Variants in VAV3 observed in about 807,000 individuals in gnomAD.
The protein encoded by VAV3 is vav guanine nucleotide exchange factor 3, also known as guanine nucleotide exchange factor VAV3.
VAV3 carries 94 observed loss-of-function variants against 131.2 expected under a neutral mutation model. The observed-to-expected ratio is 0.72, with a 90% CI of 0.61 to 0.85. VAV3 has a LOEUF of 0.85. Among genes scored for constraint, VAV3 ranks in the 40% least tolerant of loss-of-function variants. VAV3 has a pLI of 0.00. For missense variants in VAV3, 939 were observed against 1,002.7 expected (o/e 0.94, Z 0.86); for synonymous variants, 349 against 342.0 (o/e 1.02, Z -0.22).
In VAV3 at chr1:107,792,935, G is replaced by C. The variant is rs796469801; in HGVS notation, c.322-13443C>G. Among the ~76,000 whole-genome samples the C allele has an allele frequency of 2.6e-4, 39 of 152,026 alleles. 1 individual carries two copies. The highest frequency in any genetic ancestry group is 8.7e-4 in the African/African-American group (36 of 41,462). ...TATAATAATATACAGGACATTACAGGACTGTAATGATATTCTGGTTTAAAA... is the reference window on the plus strand; with the variant it reads ...TATAATAATATACAGGACATTACAGCACTGTAATGATATTCTGGTTTAAAA... On this transcript the variant is annotated intron_variant, in intron 2 of 26. Transcript: ENST00000370056.
At chr1:107,748,477 T>G (rs966210828) in intron 15 of VAV3, among the ~76,000 whole-genome samples, 16 of 152,192 alleles carry the variant, frequency 1.1e-4, no homozygotes, top group African/African-American at 3.6e-4. Flanking sequence ...AAGCATTCCT[T>G]AAATACACGA....
intron 1 of VAV3, among the ~76,000 whole-genome samples, chr1:107,882,977 T>C (rs1333951978): frequency 1.3e-5 from 2 of 152,176 alleles, no homozygotes; most frequent in Admixed American, 6.5e-5. Flanking sequence ...AGCTGTAATC[T>C]TGTCATCAGT....
At chr1:107,818,953 A>C (rs769859775) in intron 2 of VAV3, among the ~76,000 whole-genome samples, 4 of 152,218 alleles carry the variant, frequency 2.6e-5, no homozygotes, top group Non-Finnish European at 5.9e-5. Flanking sequence ...GTTTTATTCA[A>C]TTCAGTTTTA....
chr1:107,605,437 A>G (rs564540411), intron 22 of VAV3, among the ~76,000 whole-genome samples: 26 of 152,278 alleles, frequency 1.7e-4, no homozygotes, highest in African/African-American at 6.0e-4. Context: ...ATCTCCTGCC[A>G]TGTTATTATG....
At chr1:107,784,243 T>C (rs538499406) in intron 2 of VAV3, among the ~76,000 whole-genome samples, 4 of 152,282 alleles carry the variant, frequency 2.6e-5, no homozygotes, top group African/African-American at 7.2e-5. Context: ...TATTAAGTAA[T>C]GTATTCCTAT....
intron 1 of VAV3, among the ~76,000 whole-genome samples, chr1:107,960,718 A>T (rs1415063122): frequency 6.6e-6 from 1 of 151,984 alleles, no homozygotes; most frequent in Non-Finnish European, 1.5e-5. Flanking sequence ...GGAGCTTTGC[A>T]CTTGGTATTC....
intron 6 of VAV3, among the ~76,000 whole-genome samples, chr1:107,770,291 A>T (rs1664968688): frequency 6.7e-6 from 1 of 148,504 alleles, no homozygotes; most frequent in African/African-American, 2.5e-5. Context: ...CTCCCCCCCC[A>T]TCACTCTCTA....
At chr1:107,884,333 T>C (rs1670922602) in intron 1 of VAV3, among the ~76,000 whole-genome samples, 1 of 151,292 alleles carries the variant, frequency 6.6e-6, no homozygotes, top group African/African-American at 2.4e-5. Flanking sequence ...ACTACATGCC[T>C]GTACCAAAAT....
At chr1:107,645,630 G>A (rs865832244) in intron 19 of VAV3, among the ~76,000 whole-genome samples, 1 of 151,986 alleles carries the variant, frequency 6.6e-6, no homozygotes, top group Non-Finnish European at 1.5e-5. Context: ...ACATTAACTG[G>A]AAGACAAAAA....
intron 2 of VAV3, among the ~76,000 whole-genome samples, chr1:107,801,988 C>T (rs1460110242): frequency 1.3e-5 from 2 of 151,906 alleles, no homozygotes; most frequent in East Asian, 3.9e-4. Context: ...GGTACATGTG[C>T]AGAACATGGA....
intron 15 of VAV3, among the ~76,000 whole-genome samples, chr1:107,745,533 G>A (rs1410706911): frequency 1.3e-5 from 2 of 152,156 alleles, no homozygotes; most frequent in East Asian, 3.9e-4. Context: ...GGCCAAAGAA[G>A]GTCAGAGAAC....
chr1:107,682,975 T>C (rs189154702), intron 19 of VAV3, among the ~76,000 whole-genome samples: 1 of 152,110 alleles, frequency 6.6e-6, no homozygotes, highest in Non-Finnish European at 1.5e-5. Flanking sequence ...AACTGAACGT[T>C]TTCTGCAGAC....
At chr1:107,638,728 T>C (rs961996378) in intron 20 of VAV3, among the ~76,000 whole-genome samples, 1 of 151,890 alleles carries the variant, frequency 6.6e-6, no homozygotes, top group African/African-American at 2.4e-5. Flanking sequence ...AAAACACCTA[T>C]GAAAAAAGGA....
At chr1:107,815,602 T>G (rs1450773528) in intron 2 of VAV3, among the ~76,000 whole-genome samples, 1 of 152,180 alleles carries the variant, frequency 6.6e-6, no homozygotes, top group Non-Finnish European at 1.5e-5. Context: ...CAAATAAGAA[T>G]CCTTATTGAT....
At chr1:107,895,774 C>A (rs116520493) in intron 1 of VAV3, among the ~76,000 whole-genome samples, 114 of 152,216 alleles carry the variant, frequency 7.5e-4, no homozygotes, top group Middle Eastern at 3.4e-3. Context: ...TGTCCTTGCT[C>A]AAAAATGAAT....
chr1:107,601,849 C>T (rs917416476), intron 24 of VAV3, among the ~76,000 whole-genome samples: 5 of 152,014 alleles, frequency 3.3e-5, no homozygotes, highest in Non-Finnish European at 7.4e-5. Context: ...TTTAAATATA[C>T]AATTCCTATG....
chr1:107,938,252 G>A (rs566539450), intron 1 of VAV3, among the ~76,000 whole-genome samples: 1 of 152,268 alleles, frequency 6.6e-6, no homozygotes, highest in Non-Finnish European at 1.5e-5. Flanking sequence ...TTCGAGAAAT[G>A]TCCCCACCTT....
At chr1:107,888,351 A>C (rs951240087) in intron 1 of VAV3, among the ~76,000 whole-genome samples, 1 of 152,218 alleles carries the variant, frequency 6.6e-6, no homozygotes, top group Admixed American at 6.5e-5. Flanking sequence ...GTAGCGCTAG[A>C]CTAGGCAACC....
intron 1 of VAV3, among the ~76,000 whole-genome samples, chr1:107,932,106 G>T (rs1028939574): frequency 6.6e-6 from 1 of 152,146 alleles, no homozygotes; most frequent in African/African-American, 2.4e-5. Flanking sequence ...TGTTTTCCCC[G>T]GCTTCAGTGG....
Sources: allele counts gnomAD v4.1 joint callset (sites outside exome capture counted in the v4.1 genomes callset), GRCh38; gene constraint gnomAD v4.1.1; transcripts MANE v1.5; gene names NCBI Gene and HGNC (gene_info 2026-07-23, HGNC 2026-07-21).